NUP155: variants seen among roughly 807,000 people sequenced by gnomAD.
NUP155 encodes nucleoporin 155.
In NUP155, 71 loss-of-function variants were observed where a neutral mutation model predicts 180.4. The ratio of observed to expected loss-of-function variants is 0.39; its 90% confidence interval spans 0.33 to 0.48. NUP155 has a LOEUF of 0.48. NUP155 is among the 20% of genes least tolerant of loss of function. The pLI is 0.91. For missense variants in NUP155, 1,553 were observed against 1,648.9 expected (o/e 0.94, Z 1.01); for synonymous variants, 582 against 559.5 (o/e 1.04, Z -0.57).
intron 1 of NUP155, among the ~76,000 whole-genome samples, chr5:37,364,858 G>T (rs1247854395): frequency 6.6e-6 from 1 of 151,662 alleles, no homozygotes; most frequent in East Asian, 2.0e-4. Flanking sequence ...GGCTGGTCTT[G>T]ATCTCCTGAC....
chr5:37,309,490 T>C (rs1743391030), intron 23 of NUP155: 3 of 503,804 alleles, frequency 6.0e-6, no homozygotes, highest in Non-Finnish European at 1.1e-5. Context: ...AAGAGAACTT[T>C]TGTCTGGTAA....
chr5:37,316,327 T>C (rs1172006940), intron 21 of NUP155, among the ~76,000 whole-genome samples: 1 of 152,078 alleles, frequency 6.6e-6, no homozygotes. Flanking sequence ...TGCCACAAAA[T>C]GTAAAATTTG....
At chr5:37,330,749 A>G (rs887428725) in intron 14 of NUP155, among the ~76,000 whole-genome samples, 32 of 152,162 alleles carry the variant, frequency 2.1e-4, no homozygotes, top group Non-Finnish European at 1.0e-4. Context: ...ACAAACAAAC[A>G]AACAAACCAA....
intron 20 of NUP155, among the ~76,000 whole-genome samples, chr5:37,322,478 C>T (rs1258805196): frequency 6.6e-5 from 10 of 151,990 alleles, no homozygotes; most frequent in Non-Finnish European, 1.2e-4. Context: ...GAGGCCGAGG[C>T]GGGCGGATCA....
chr5:37,318,023 T>C lies in NUP155; in HGVS notation c.2270A>G (p.Gln757Arg), dbSNP rs1744012110. 2 of 1,612,614 alleles carry C rather than the reference T, an allele frequency of 1.2e-6. No individual in the cohort carries two copies. Among genetic ancestry groups the C allele is most frequent in the Non-Finnish European group, 1.7e-6 (2 of 1,178,592 alleles). The change falls in exon 21 of 35, where the codon CAG becomes CGG. Residue 757 changes from glutamine (Q) to arginine (R), a missense_variant. By Grantham distance (43) the Gln-to-Arg change is conservative. Transcript: ENST00000231498. ...GFMRPENGNP[Q>R]QMQQELQRKF... The stretch of plus-strand genomic sequence containing the variant: ...CCTCTGCAGTTCCTGTTGCATTTGC[T>C]GGGGATTTCCGTTTTCAGGACGCAT...
Position 37,329,206 on chromosome 5 carries a change from C to T in NUP155, c.1797G>A (p.Gly599=), listed in dbSNP as rs1744798336. The part of the protein sequence containing the change: ...PPPSNVGPIL[G]SPVYSSSPVP... ...CATACTCACTAGAATAGACAGGAGA[C>T]CCCAAGATGGGACCAACATTACTTG... Residue 599 remains glycine (G), a synonymous_variant, in exon 16 of 35, where the codon GGG becomes GGA. Transcript: ENST00000231498. The T allele has an allele frequency of 6.2e-7, 1 of 1,613,158 alleles. No individual in the cohort carries two copies. The highest frequency in any genetic ancestry group is 1.3e-5 in the African/African-American group (1 of 74,884).
At chr5:37,360,373 T>C (rs1471855533) in intron 3 of NUP155, among the ~76,000 whole-genome samples, 3 of 151,792 alleles carry the variant, frequency 2.0e-5, no homozygotes, top group African/African-American at 7.3e-5. Context: ...TATTCCCAGC[T>C]ACTCAGGAGG....
intron 3 of NUP155, among the ~76,000 whole-genome samples, chr5:37,361,173 G>C (rs2111693710): frequency 6.7e-6 from 1 of 150,134 alleles, no homozygotes; most frequent in East Asian, 2.0e-4. Context: ...AGAGGCTGAG[G>C]CAAGAAGTGC....
chr5:37,344,497 A>T (rs182770225), intron 9 of NUP155, among the ~76,000 whole-genome samples: 18 of 143,632 alleles, frequency 1.3e-4, no homozygotes, highest in African/African-American at 4.3e-4. Flanking sequence ...TCAATATTAT[A>T]AAAAAAAAAA....
At position 37,331,792 on chromosome 5, in the gene NUP155, T is replaced by A; in HGVS notation, c.1522A>T (p.Ser508Cys). The A allele has an allele frequency of 6.3e-7, 1 of 1,596,812 alleles. No individual in the cohort carries two copies. Among genetic ancestry groups the A allele is most frequent in the Non-Finnish European group, 8.6e-7 (1 of 1,166,622 alleles). ...KKFVLLSAQG[S>C]LMFHKLRPVD... The stretch of plus-strand genomic sequence containing the variant: ...GGTCTAAGTTTATGAAACATAAGGC[T>A]CCCCTAAGAAATTTGAAGAAAGAAC... Residue 508 changes from serine (S) to cysteine (C), a missense_variant, in exon 14 of 35, where the codon AGC (serine) becomes TGC (cysteine). Coordinates refer to ENST00000231498, the MANE Select transcript of NUP155 (RefSeq NM_153485.3).
At chr5:37,306,578 C>T (rs1743167763) in intron 25 of NUP155, among the ~76,000 whole-genome samples, 1 of 152,132 alleles carries the variant, frequency 6.6e-6, no homozygotes, top group Non-Finnish European at 1.5e-5. Flanking sequence ...AGCAATTCTC[C>T]TGCCTCAGCC....
intron 1 of NUP155, among the ~76,000 whole-genome samples, chr5:37,364,640 A>ATT (rs113039347): frequency 0.017 from 925 of 53,000 alleles, 6 homozygotes; most frequent in Non-Finnish European, 0.029. Flanking sequence ...ATTTTATTTT[A>ATT]TTTTTTTTTT....
At position 37,371,049 on chromosome 5, in the gene NUP155, T is replaced by C; in HGVS notation, c.-72A>G. 2 of 1,541,818 alleles carry C rather than the reference T, an allele frequency of 1.3e-6. No homozygotes were observed. The highest frequency in any genetic ancestry group is 3.4e-5 in the Admixed American group (2 of 58,506). On this transcript the variant is annotated 5_prime_UTR_variant, in exon 1 of 35. Coordinates refer to ENST00000231498, the MANE Select transcript of NUP155 (RefSeq NM_153485.3). ...GAGAAACAAGAAAAGATCCAAGAAG[T>C]TAGCTTAGATCCGCCGCCTAGGGCG...
chr5:37,295,599 G>A (rs1358541333), intron 32 of NUP155, among the ~76,000 whole-genome samples: 1 of 112,810 alleles, frequency 8.9e-6, no homozygotes, highest in Non-Finnish European at 2.1e-5. Context: ...TCTAGGAAGT[G>A]AGGAGCGCCT....
chr5:37,342,662 A>C lies in NUP155; in HGVS notation c.996-16T>G. On this transcript the variant is annotated splice_polypyrimidine_tract_variant and intron_variant, in intron 9 of 34. Transcript: ENST00000231498. ...ATCGATGGTCCTAAAAGAAAGGAGAAAATAAAGTGTATTTTTAAAATGTGT... is the reference window on the plus strand; with the variant it reads ...ATCGATGGTCCTAAAAGAAAGGAGACAATAAAGTGTATTTTTAAAATGTGT... 5 of 1,467,200 alleles carry C rather than the reference A, an allele frequency of 3.4e-6. No homozygotes were observed. Among genetic ancestry groups the C allele is most frequent in the Non-Finnish European group, 4.8e-6 (5 of 1,046,656 alleles). 90.9% of individuals were successfully genotyped at this position (1,467,200 alleles called of 1,614,324 possible).
chr5:37,370,123 C>T (rs1747863969), intron 1 of NUP155, among the ~76,000 whole-genome samples: 1 of 152,200 alleles, frequency 6.6e-6, no homozygotes, highest in South Asian at 2.1e-4. Flanking sequence ...GTAATCCCAG[C>T]ACTTTGGGAG....
intron 19 of NUP155, 105 bp from the exon 20 acceptor site, chr5:37,324,212 G>GT: frequency 1.3e-6 from 1 of 753,408 alleles, no homozygotes. Flanking sequence ...GTTATTTCTT[G>GT]TATCAATTCA....
intron 19 of NUP155, among the ~76,000 whole-genome samples, chr5:37,325,605 CAA>C (rs1416959917): frequency 6.6e-6 from 1 of 151,226 alleles, no homozygotes; most frequent in Non-Finnish European, 1.5e-5. Flanking sequence ...CCTATCTCTA[CAA>C]AAACTACAAA....
At chr5:37,324,147 C>T (rs202234218) in intron 19 of NUP155, 40 bp from the exon 20 acceptor site, 5 of 1,167,774 alleles carry the variant, frequency 4.3e-6, no homozygotes, top group African/African-American at 1.5e-5. Flanking sequence ...TAAAAACACA[C>T]CCTCTGTATA....
Sources: allele counts gnomAD v4.1 joint callset (sites outside exome capture counted in the v4.1 genomes callset), GRCh38; gene constraint gnomAD v4.1.1; transcripts MANE v1.5; gene names NCBI Gene and HGNC (gene_info 2026-07-23, HGNC 2026-07-21).